Variants in PMEL observed in about 807,000 individuals in gnomAD.
PMEL encodes the protein premelanosome protein, also known as melanocyte protein PMEL.
PMEL carries 53 observed loss-of-function variants against 64.9 expected under a neutral mutation model. The observed-to-expected ratio is 0.82, with a 90% CI of 0.66 to 1.03. PMEL has a LOEUF of 1.03. PMEL is among the 50% of genes least tolerant of loss of function. The pLI, the probability that PMEL is intolerant of heterozygous loss-of-function variation, is 0.00. For synonymous variants in PMEL, 299 were observed against 316.2 expected (o/e 0.95, Z 0.58); for missense variants, 716 against 814.9 (o/e 0.88, Z 1.48).
intron 3 of PMEL, among the ~76,000 whole-genome samples, chr12:55,959,069 C>T (rs1889004997): frequency 6.6e-6 from 1 of 151,314 alleles, no homozygotes; most frequent in East Asian, 2.0e-4. Context: ...CGTGCACCAC[C>T]ATGCCTGGCC....
intron 9 of PMEL, 21 bp downstream of exon 9, chr12:55,955,443 A>T: frequency 6.2e-7 from 1 of 1,613,436 alleles, no homozygotes; most frequent in South Asian, 1.1e-5. Context: ...TCCTCATCTT[A>T]GCTCTTGTCC....
intron 1 of PMEL, among the ~76,000 whole-genome samples, chr12:55,964,613 C>CTCTTT (rs950710379): frequency 2.6e-5 from 4 of 151,932 alleles, no homozygotes; most frequent in East Asian, 1.9e-4. Context: ...GCCTCCTTAT[C>CTCTTT]TCTTTTCTTT....
At chr12:55,966,640 G>C (rs907557204), upstream of PMEL, 5 of 1,052,184 alleles carry the variant, frequency 4.8e-6, no homozygotes, top group Non-Finnish European at 5.8e-6. Context: ...CGCCCCACCG[G>C]GGAAGAAACT....
rs1888952413 is a variant in PMEL at position 55,957,867 on chromosome 12, A to T, written c.631+56T>A. The stretch of plus-strand genomic sequence containing the variant: ...ACCTTTCTCCTTTCCAGTCCATCCA[A>T]GCCTCCCTGCCTTCTCTTGCCCTAC... On this transcript the variant is annotated intron_variant, in intron 5 of 10. Transcript: ENST00000548747. The T allele has an allele frequency of 2.5e-6, 4 of 1,599,692 alleles. No homozygotes were observed. In the South Asian group the frequency reaches 4.5e-5, roughly 18 times the overall value.
chr12:55,958,468 C>T lies in PMEL; in HGVS notation c.469+5G>A, dbSNP rs1888980998. Reference sequence around the variant, plus strand: ...GGATGATAGGCTGAGAAGGGAGTCCCTCACCCCAGGTCTTCCAGACATAAA... The same window carrying T: ...GGATGATAGGCTGAGAAGGGAGTCCTTCACCCCAGGTCTTCCAGACATAAA... On this transcript the variant is annotated splice_donor_5th_base_variant and intron_variant, in intron 4 of 10. Transcript: ENST00000548747. 3 of 1,613,282 alleles carry T rather than the reference C, an allele frequency of 1.9e-6. No homozygotes were observed. The highest frequency in any genetic ancestry group is 1.7e-5 in the Admixed American group (1 of 59,858).
intron 3 of PMEL, among the ~76,000 whole-genome samples, chr12:55,959,399 AAAT>A: frequency 6.6e-6 from 1 of 151,212 alleles, no homozygotes; most frequent in South Asian, 2.1e-4. Flanking sequence ...ATAAATAAAT[AAAT>A]AAATAAATAA....
intron 3 of PMEL, among the ~76,000 whole-genome samples, chr12:55,960,210 C>CAAAAA (rs56810428): frequency 2.2e-4 from 12 of 55,640 alleles, no homozygotes; most frequent in South Asian, 5.9e-4. Flanking sequence ...GACTCTGTCT[C>CAAAAA]AAAAAAAAAA....
In PMEL at chr12:55,954,204, A is replaced by G. The variant is rs1592762242; in HGVS notation, c.*10T>C. The G allele has an allele frequency of 1.2e-6, 2 of 1,600,704 alleles. No homozygotes were observed. The highest frequency in any genetic ancestry group is 1.7e-6 in the Non-Finnish European group (2 of 1,174,748). On this transcript the variant is annotated 3_prime_UTR_variant, in exon 11 of 11. Coordinates refer to ENST00000548747, the MANE Select transcript of PMEL (RefSeq NM_001384361.1). ...AACTCCAGGAAAATCACAGCATCATATGAGAGTACTCAGACCTGCTGCCCA... is the reference window on the plus strand; with the variant it reads ...AACTCCAGGAAAATCACAGCATCATGTGAGAGTACTCAGACCTGCTGCCCA...
Position 55,956,232 on chromosome 12 carries a change from G to A in PMEL, c.1355-13C>T. ...GGGCCCAGGGAACCTGGCAGGAGAG[G>A]ATCAAGGAGGCAAGATCAAGAGACA... On this transcript the variant is annotated splice_polypyrimidine_tract_variant and intron_variant, in intron 6 of 10. Coordinates refer to ENST00000548747, the MANE Select transcript of PMEL (RefSeq NM_001384361.1). The A allele has an allele frequency of 6.5e-7, 1 of 1,543,266 alleles. No individual in the cohort carries two copies. Among genetic ancestry groups the A allele is most frequent in the Non-Finnish European group, 9.0e-7 (1 of 1,116,434 alleles).
At chr12:55,964,149 ATT>A (rs61298793) in intron 1 of PMEL, among the ~76,000 whole-genome samples, 3,426 of 135,406 alleles carry the variant, frequency 0.025, 124 homozygotes, top group African/African-American at 0.088. Flanking sequence ...AGCCTGGCTA[ATT>A]TTTTTTTTTT....
At chr12:55,966,269 G>A, upstream of PMEL, 1 of 563,470 alleles carries the variant, frequency 1.8e-6, no homozygotes, top group Non-Finnish European at 3.2e-6. Flanking sequence ...AGAGCTAACT[G>A]AAAGGCAGCT....
chr12:55,956,418 G>A (rs1191130455), intron 6 of PMEL, 199 bp from the exon 7 acceptor site: 1 of 537,622 alleles, frequency 1.9e-6, no homozygotes, highest in African/African-American at 1.9e-5. Context: ...CTCCTCCAGA[G>A]TCACAGTTAG....
rs200616852 is a variant in PMEL at position 55,954,257 on chromosome 12, G to A, written c.1943C>T (p.Pro648Leu). ...LRLPRIFCSC[P>L]IGENSPLLSG... ...GAGGAGGGGGCTGTTCTCACCAATG[G>A]GACAAGAGCAGAAGATGCGGGGTAG... The change falls in exon 11 of 11, where the codon CCC becomes CTC. Residue 648 changes from proline (P) to leucine (L), a missense_variant. Transcript: ENST00000548747. The A allele has an allele frequency of 5.0e-5, 81 of 1,613,642 alleles. No homozygotes were observed. Among genetic ancestry groups the A allele is most frequent in the Middle Eastern group, 3.3e-4 (2 of 6,082 alleles).
intron 4 of PMEL, 57 bp downstream of exon 4, chr12:55,958,416 C>G (rs955247896): frequency 1.3e-6 from 2 of 1,546,522 alleles, no homozygotes; most frequent in East Asian, 4.5e-5. Context: ...GAAAGGTGAT[C>G]AGGTAGAAAG....
At chr12:55,963,821 C>T (rs1006253392) in intron 1 of PMEL, among the ~76,000 whole-genome samples, 3 of 152,144 alleles carry the variant, frequency 2.0e-5, no homozygotes, top group Non-Finnish European at 4.4e-5. Context: ...TATTTCAGCA[C>T]AGCAGAAACT....
Position 55,957,139 on chromosome 12 carries a change from T to G in PMEL, c.1164A>C (p.Thr388=), listed in dbSNP as rs753739379. 34 of 1,614,094 alleles carry G rather than the reference T, an allele frequency of 2.1e-5. No individual in the cohort carries two copies. The South Asian group carries it at 3.4e-4, about 16-fold the overall frequency. Reference sequence around the variant, plus strand: ...CCTCTGGAGTTGACATCTCTGCCAGTGTGGTACCCATGACCTCTGAAACTG... The same window carrying G: ...CCTCTGGAGTTGACATCTCTGCCAGGGTGGTACCCATGACCTCTGAAACTG... ...KVPVSEVMGT[T]LAEMSTPEAT... is the part of the protein sequence containing the mutation. The change falls in exon 6 of 11, where the codon ACA becomes ACC. Residue 388 remains threonine (T), a synonymous_variant. Coordinates refer to ENST00000548747, the MANE Select transcript of PMEL (RefSeq NM_001384361.1).
At chr12:55,966,046 G>C, upstream of PMEL, 1 of 1,614,220 alleles carries the variant, frequency 6.2e-7, no homozygotes, top group Non-Finnish European at 8.5e-7. Flanking sequence ...AGGCACTGGG[G>C]GGACTGGGAT....
intron 1 of PMEL, among the ~76,000 whole-genome samples, chr12:55,962,312 G>A (rs1348730195): frequency 6.7e-6 from 1 of 150,334 alleles, no homozygotes; most frequent in Non-Finnish European, 1.5e-5. Context: ...GCATGGTGGT[G>A]CGCACCTGTA....
intron 7 of PMEL, 81 bp from the exon 8 acceptor site, chr12:55,955,944 T>A (rs543841924): frequency 8.6e-6 from 11 of 1,281,948 alleles, no homozygotes; most frequent in Non-Finnish European, 1.3e-5. Flanking sequence ...GCCCCAGGGC[T>A]GCTCCACCAA....
Sources: gnomAD v4.1 joint callset for allele counts (sites outside exome capture counted in the v4.1 genomes callset) on GRCh38, gnomAD v4.1.1 for gene constraint, MANE v1.5 for transcripts, NCBI Gene and HGNC (gene_info 2026-07-23, HGNC 2026-07-21) for gene names.